PTPRD: variants seen among roughly 807,000 people sequenced by gnomAD.
PTPRD encodes protein tyrosine phosphatase receptor type D.
PTPRD carries 34 observed loss-of-function variants against 214.5 expected under a neutral mutation model. That is an observed-to-expected ratio of 0.16 (90% confidence interval 0.12 to 0.21). PTPRD has a LOEUF of 0.21. Among genes scored for constraint, PTPRD ranks in the 10% least tolerant of loss-of-function variants. The pLI is 1.00. For synonymous variants in PTPRD, 1,128 were observed against 845.7 expected (o/e 1.33, Z -5.79); for missense variants, 2,545 against 2,398.7 (o/e 1.06, Z -1.27).
At chr9:10,029,386 G>A (rs1340817485) in intron 4 of PTPRD, among the ~76,000 whole-genome samples, 1 of 152,128 alleles carries the variant, frequency 6.6e-6, no homozygotes, top group Non-Finnish European at 1.5e-5. Flanking sequence ...ACCTTATACT[G>A]TGCACTTGGA....
intron 8 of PTPRD, among the ~76,000 whole-genome samples, chr9:9,474,891 G>C (rs1426989665): frequency 6.6e-6 from 1 of 151,948 alleles, no homozygotes; most frequent in Admixed American, 6.6e-5. Flanking sequence ...AGAGGCAATT[G>C]GATTCCTTTT....
At chr9:10,210,906 G>C (rs1383772936) in intron 3 of PTPRD, among the ~76,000 whole-genome samples, 2 of 148,226 alleles carry the variant, frequency 1.3e-5, no homozygotes, top group African/African-American at 4.9e-5. Flanking sequence ...TGCAAGTTCA[G>C]AGCTGATGCT....
chr9:9,938,186 C>T (rs1475196636), intron 5 of PTPRD, among the ~76,000 whole-genome samples: 1 of 152,132 alleles, frequency 6.6e-6, no homozygotes, highest in Non-Finnish European at 1.5e-5. Context: ...TGGATCACTA[C>T]TACAAACAGC....
At chr9:9,459,178 C>T (rs1320725276) in intron 8 of PTPRD, among the ~76,000 whole-genome samples, 1 of 152,002 alleles carries the variant, frequency 6.6e-6, no homozygotes, top group East Asian at 1.9e-4. Flanking sequence ...CAGTATATCA[C>T]TACAGCAAAG....
chr9:10,600,169 A>G (rs1336070652), intron 2 of PTPRD, among the ~76,000 whole-genome samples: 4 of 151,862 alleles, frequency 2.6e-5, no homozygotes, highest in Non-Finnish European at 5.9e-5. Context: ...ACTTAAAATG[A>G]TTTGTTTAAA....
At chr9:8,686,054 G>C (rs2154376907) in intron 12 of PTPRD, among the ~76,000 whole-genome samples, 1 of 152,268 alleles carries the variant, frequency 6.6e-6, no homozygotes, top group East Asian at 1.9e-4. Context: ...TCTCCTAAGG[G>C]AGTCAACAGT....
At chr9:10,248,428 A>C (rs2092410138) in intron 3 of PTPRD, among the ~76,000 whole-genome samples, 1 of 151,212 alleles carries the variant, frequency 6.6e-6, no homozygotes, top group Non-Finnish European at 1.5e-5. Context: ...AAAATGAGCT[A>C]TTCACCAAAA....
intron 3 of PTPRD, among the ~76,000 whole-genome samples, chr9:10,252,461 T>C (rs1332703423): frequency 6.6e-6 from 1 of 152,122 alleles, no homozygotes; most frequent in Non-Finnish European, 1.5e-5. Flanking sequence ...GCCTTTGAAG[T>C]AACACCAGCC....
chr9:9,397,821 C>A (rs902422458), intron 8 of PTPRD, among the ~76,000 whole-genome samples: 1 of 151,914 alleles, frequency 6.6e-6, no homozygotes, highest in African/African-American at 2.4e-5. Flanking sequence ...TTGGTCCTGG[C>A]ACAAACACAA....
chr9:9,892,424 G>A (rs1413650848), intron 5 of PTPRD, among the ~76,000 whole-genome samples: 1 of 152,064 alleles, frequency 6.6e-6, no homozygotes, highest in Admixed American at 6.6e-5. Flanking sequence ...GCTCTGCTCA[G>A]AGAACAGAAA....
intron 3 of PTPRD, among the ~76,000 whole-genome samples, chr9:10,055,270 C>A (rs767909019): frequency 6.6e-6 from 1 of 152,128 alleles, no homozygotes; most frequent in Non-Finnish European, 1.5e-5. Context: ...TTTTCTTTGA[C>A]ACTCACTATA....
chr9:9,351,787 C>T (rs897109773), intron 9 of PTPRD, among the ~76,000 whole-genome samples: 3 of 151,966 alleles, frequency 2.0e-5, no homozygotes, highest in African/African-American at 4.8e-5. Flanking sequence ...ATTTGGTCAG[C>T]TGGGTTCATA....
chr9:10,504,370 G>C (rs1238766163), intron 2 of PTPRD, among the ~76,000 whole-genome samples: 2 of 152,020 alleles, frequency 1.3e-5, no homozygotes, highest in Admixed American at 6.6e-5. Flanking sequence ...AGCTCCAAGT[G>C]ACAGAACACT....
At chr9:10,163,675 T>C (rs1211404106) in intron 3 of PTPRD, among the ~76,000 whole-genome samples, 1 of 151,522 alleles carries the variant, frequency 6.6e-6, no homozygotes, top group Non-Finnish European at 1.5e-5. Flanking sequence ...CAATTTTTAC[T>C]TGAGCTGACC....
chr9:9,741,688 G>A (rs1457024899), intron 6 of PTPRD, among the ~76,000 whole-genome samples: 3 of 152,154 alleles, frequency 2.0e-5, no homozygotes, highest in Non-Finnish European at 2.9e-5. Flanking sequence ...TCCCACCTAT[G>A]AGTGAGAATA....
Position 9,972,230 on chromosome 9 carries a change from C to T in PTPRD, c.-471-33620G>A, listed in dbSNP as rs191508776. On this transcript the variant is annotated intron_variant, in intron 4 of 45. Transcript: ENST00000381196. Reference sequence around the variant, plus strand: ...TTTCTAGTAGTGTTCTTTCTTTTGCCACATTAAATAGCAAACATACAGTGT... The same window carrying T: ...TTTCTAGTAGTGTTCTTTCTTTTGCTACATTAAATAGCAAACATACAGTGT... 9.2e-5 allele frequency among the ~76,000 whole-genome samples: 14 copies of T among 152,112 alleles called. No homozygotes were observed. In the East Asian group the frequency reaches 1.4e-3, roughly 15 times the overall value.
intron 5 of PTPRD, among the ~76,000 whole-genome samples, chr9:9,791,375 T>C (rs2098966098): frequency 6.6e-6 from 1 of 152,092 alleles, no homozygotes; most frequent in African/African-American, 2.4e-5. Context: ...AGATGGTAAA[T>C]GTAAGAAGTT....
chr9:9,319,107 G>T (rs964618284), intron 9 of PTPRD, among the ~76,000 whole-genome samples: 1 of 152,180 alleles, frequency 6.6e-6, no homozygotes, highest in Non-Finnish European at 1.5e-5. Context: ...TTTTTAAATA[G>T]ATTCTTAATC....
chr9:8,424,721 A>G (rs2094554376), intron 35 of PTPRD, among the ~76,000 whole-genome samples: 2 of 152,176 alleles, frequency 1.3e-5, no homozygotes, highest in African/African-American at 4.8e-5. Context: ...GAAGGGGAAT[A>G]AAAGAATGAG....
Sources: gnomAD v4.1 joint callset for allele counts (sites outside exome capture counted in the v4.1 genomes callset) on GRCh38, gnomAD v4.1.1 for gene constraint, MANE v1.5 for transcripts, NCBI Gene and HGNC (gene_info 2026-07-23, HGNC 2026-07-21) for gene names.